XPO4: variants seen among roughly 807,000 people sequenced by gnomAD.
The protein encoded by XPO4 is exportin-4.
A neutral mutation model predicts 143.0 loss-of-function variants in XPO4; 39 were observed. The observed-to-expected ratio is 0.27, with a 90% CI of 0.21 to 0.36. The LOEUF is 0.36. Among genes scored for constraint, XPO4 ranks in the 10% least tolerant of loss-of-function variants. XPO4 has a pLI of 1.00. For synonymous variants in XPO4, 439 were observed against 474.0 expected (o/e 0.93, Z 0.96); for missense variants, 907 against 1,348.0 (o/e 0.67, Z 5.12).
chr13:20,896,253 A>AT (rs890479288), intron 1 of XPO4, among the ~76,000 whole-genome samples: 115 of 152,294 alleles, frequency 7.6e-4, no homozygotes, highest in African/African-American at 2.7e-3. Flanking sequence ...TAATCAATTA[A>AT]TTTTTCTCCC....
intron 1 of XPO4, among the ~76,000 whole-genome samples, chr13:20,878,686 A>C (rs2060377865): frequency 6.6e-6 from 1 of 152,216 alleles, no homozygotes; most frequent in African/African-American, 2.4e-5. Flanking sequence ...CTGTGAAGCC[A>C]TGATGGCCTC....
At chr13:20,790,847 T>C (rs1002047352) in intron 18 of XPO4, among the ~76,000 whole-genome samples, 2 of 152,248 alleles carry the variant, frequency 1.3e-5, no homozygotes, top group Admixed American at 1.3e-4. Context: ...TACAGAAGTA[T>C]TGGGGAGGTT....
chr13:20,782,248 A>G lies in XPO4; in HGVS notation c.*1474T>C, dbSNP rs2059151273. On this transcript the variant is annotated 3_prime_UTR_variant, in exon 23 of 23. Transcript: ENST00000255305. ...GTATTTGCAGAATGGTTTAATAGAT[A>G]GGTGTCAGGAACATGGTGGAAGCAG... The G allele has an allele frequency of 6.6e-6, 1 of 152,268 alleles. No homozygotes were observed. Among genetic ancestry groups the G allele is most frequent in the Non-Finnish European group, 1.5e-5 (1 of 68,052 alleles). 9.4% of individuals were successfully genotyped at this position (152,268 alleles called of 1,614,324 possible).
chr13:20,788,290 C>G (rs1413247473), intron 20 of XPO4, among the ~76,000 whole-genome samples, 196 bp downstream of exon 20: 9 of 152,128 alleles, frequency 5.9e-5, no homozygotes, highest in Non-Finnish European at 1.2e-4. Context: ...CTCCTGACCT[C>G]AGGTGATCCA....
chr13:20,851,043 T>A (rs1365187987), intron 4 of XPO4: 1 of 985,224 alleles, frequency 1.0e-6, no homozygotes. Flanking sequence ...TTCTGATCAG[T>A]TATCATTCTC....
intron 1 of XPO4, among the ~76,000 whole-genome samples, chr13:20,899,582 T>C (rs1002810772): frequency 6.6e-6 from 1 of 152,198 alleles, no homozygotes; most frequent in African/African-American, 2.4e-5. Context: ...TTACTAAAAA[T>C]GTACATTTAC....
At chr13:20,879,216 A>G in intron 1 of XPO4, 2 of 985,398 alleles carry the variant, frequency 2.0e-6, no homozygotes, top group South Asian at 9.4e-5. Flanking sequence ...ATCTAACAAG[A>G]TATCCCTCCA....
intron 1 of XPO4, among the ~76,000 whole-genome samples, chr13:20,897,973 G>A (rs1393361651): frequency 6.6e-6 from 1 of 152,050 alleles, no homozygotes; most frequent in Non-Finnish European, 1.5e-5. Context: ...GGCTGGTCTC[G>A]AACTCCTGAC....
rs2059465742 is a variant in XPO4, at chr13:20,803,715, CA to C, written c.1818-2726del. Among the ~76,000 whole-genome samples the C allele has an allele frequency of 6.6e-6, 1 of 152,174 alleles. No individual in the cohort carries two copies. Among genetic ancestry groups the C allele is most frequent in the Admixed American group, 6.5e-5 (1 of 15,280 alleles). On this transcript the variant is annotated intron_variant, in intron 13 of 22. Coordinates refer to ENST00000255305, the MANE Select transcript of XPO4 (RefSeq NM_022459.5). This position sits in a 1 kb window ranked among gnomAD's most constrained non-coding sequence, Gnocchi z 4.1. ...CCCTGCCTCTCCACCCTCATCCCCC[CA>C]CCAAAGCTATCGCCCTGCCCTCCTG...
At chr13:20,871,623 CT>C (rs2060299558) in intron 1 of XPO4, among the ~76,000 whole-genome samples, 2 of 152,220 alleles carry the variant, frequency 1.3e-5, no homozygotes, top group Admixed American at 6.5e-5. Context: ...CCATGTTATA[CT>C]GCTACAAATA....
intron 1 of XPO4, among the ~76,000 whole-genome samples, chr13:20,900,304 A>G (rs2060607997): frequency 6.6e-6 from 1 of 152,006 alleles, no homozygotes; most frequent in Non-Finnish European, 1.5e-5. Context: ...GAATCGCTTG[A>G]ACCCGGGAGG....
At chr13:20,899,778 G>T (rs1314198903) in intron 1 of XPO4, among the ~76,000 whole-genome samples, 1 of 152,082 alleles carries the variant, frequency 6.6e-6, no homozygotes, top group Non-Finnish European at 1.5e-5. Context: ...TTTGCATTTT[G>T]AATCTCAAAG....
At chr13:20,790,313 T>C in intron 19 of XPO4, 149 bp downstream of exon 19, 1 of 642,920 alleles carries the variant, frequency 1.6e-6, no homozygotes, top group Non-Finnish European at 2.7e-6. Flanking sequence ...CATGCACAAG[T>C]AACCGTTAAT....
intron 9 of XPO4, among the ~76,000 whole-genome samples, chr13:20,817,592 CT>C (rs2059665888): frequency 6.6e-6 from 1 of 152,142 alleles, no homozygotes. Flanking sequence ...ATGAAGGCTG[CT>C]CTGTTCCTGT....
chr13:20,871,350 C>G (rs1384282883), intron 1 of XPO4, among the ~76,000 whole-genome samples: 1 of 152,072 alleles, frequency 6.6e-6, no homozygotes, highest in Admixed American at 6.5e-5. Context: ...AACAGAGTGT[C>G]ACTCTGTCGT....
intron 1 of XPO4, among the ~76,000 whole-genome samples, chr13:20,901,539 T>C (rs1362684996): frequency 1.3e-5 from 2 of 152,248 alleles, no homozygotes; most frequent in African/African-American, 4.8e-5. Flanking sequence ...CCTTCACTAG[T>C]CTGTTTTGTG....
chr13:20,842,757 T>A, intron 6 of XPO4, 138 bp downstream of exon 6: 1 of 787,314 alleles, frequency 1.3e-6, no homozygotes, highest in Non-Finnish European at 1.9e-6. Context: ...ATAAAGAAAT[T>A]AAATTCTATT....
intron 1 of XPO4, among the ~76,000 whole-genome samples, chr13:20,873,887 A>G (rs1242969393): frequency 6.6e-6 from 1 of 152,138 alleles, no homozygotes; most frequent in Non-Finnish European, 1.5e-5. Context: ...AACAACATCT[A>G]CTACTTATTT....
At chr13:20,852,091 G>A (rs1186393408) in intron 4 of XPO4, 1 of 985,314 alleles carries the variant, frequency 1.0e-6, no homozygotes, top group Non-Finnish European at 1.2e-6. Context: ...CTTGTAGGGG[G>A]TGAGGGCAGG....
Sources: allele counts gnomAD v4.1 joint callset (sites outside exome capture counted in the v4.1 genomes callset), GRCh38; gene constraint gnomAD v4.1.1; non-coding constraint Gnocchi (gnomAD v3.1); transcripts MANE v1.5; gene names NCBI Gene and HGNC (gene_info 2026-07-23, HGNC 2026-07-21).